The following IL1RAPL2 variants were observed in gnomAD, a reference collection of about 807,000 sequenced individuals.
IL1RAPL2 encodes the protein X-linked interleukin-1 receptor accessory protein-like 2.
IL1RAPL2 carries 3 observed loss-of-function variants against 44.1 expected under a neutral mutation model. The ratio of observed to expected loss-of-function variants is 0.07; its 90% CI spans 0.03 to 0.18. The LOEUF (loss-of-function observed/expected upper bound fraction) is 0.18, where lower values mean the gene tolerates loss of function less well. Among genes scored for constraint, IL1RAPL2 ranks in the 10% least tolerant of loss-of-function variants. IL1RAPL2 has a pLI of 1.00. For synonymous variants in IL1RAPL2, 181 were observed against 178.8 expected (o/e 1.01, Z -0.10); for missense variants, 391 against 496.4 (o/e 0.79, Z 2.02).
chrX:105,363,485 T>C (rs916500406), intron 5 of IL1RAPL2, among the ~76,000 whole-genome samples: 3 of 106,149 alleles, frequency 2.8e-5, no homozygotes, highest in African/African-American at 6.8e-5. Flanking sequence ...TTGTATCATA[T>C]GGTAATTCTA....
intron 6 of IL1RAPL2, among the ~76,000 whole-genome samples, chrX:105,707,772 G>C (rs1029133204): frequency 8.9e-6 from 1 of 111,843 alleles, no homozygotes; most frequent in African/African-American, 3.2e-5. Context: ...AGCTTATTTT[G>C]TTGTAATAAT....
Position 105,392,070 on chromosome X carries a change from C to G in IL1RAPL2, c.698-92243C>G, listed in dbSNP as rs190457096. 5.1e-3 allele frequency among the ~76,000 whole-genome samples: 540 copies of G among 105,955 alleles called. 5 individuals carry two copies. The highest frequency in any genetic ancestry group is 0.017 in the African/African-American group (504 of 28,901). The allele number at this position is 105,955 out of a possible 115,157, so 92.0% of individuals were successfully genotyped here. On this transcript the variant is annotated intron_variant, in intron 5 of 10. Transcript: ENST00000372582. The stretch of plus-strand genomic sequence containing the variant: ...AAATGACGAGTTAATGGGTGCAGCA[C>G]ACCAGCATAGCACATGTATACATAT...
At chrX:104,604,745 G>A in intron 1 of IL1RAPL2, among the ~76,000 whole-genome samples, 1 of 109,076 alleles carries the variant, frequency 9.2e-6, no homozygotes, top group Non-Finnish European at 1.9e-5. Flanking sequence ...TAATGGTAAA[G>A]GGATCAATGC....
At chrX:104,749,762 C>A (rs1413493774) in intron 2 of IL1RAPL2, among the ~76,000 whole-genome samples, 1 of 111,350 alleles carries the variant, frequency 9.0e-6, no homozygotes, top group Non-Finnish European at 1.9e-5. Flanking sequence ...GTAGTTCCTG[C>A]CTTTGATGAG....
At chrX:104,912,744 C>T (rs943319642) in intron 2 of IL1RAPL2, among the ~76,000 whole-genome samples, 8 of 111,426 alleles carry the variant, frequency 7.2e-5, no homozygotes, top group African/African-American at 2.3e-4. Flanking sequence ...ATTAAAGCCC[C>T]TTATTCACCA....
At chrX:104,597,767 A>G (rs942728248) in intron 1 of IL1RAPL2, among the ~76,000 whole-genome samples, 1 of 110,915 alleles carries the variant, frequency 9.0e-6, no homozygotes, top group Non-Finnish European at 1.9e-5. Flanking sequence ...CTTCAGGCAA[A>G]TGGAAGCACC....
In IL1RAPL2 at chrX:105,087,004, A is replaced by G. The variant is rs182277918; in HGVS notation, c.83-108471A>G. 3.6e-5 allele frequency among the ~76,000 whole-genome samples: 4 copies of G among 110,212 alleles called. No homozygotes were observed. The East Asian group carries it at 1.1e-3, about 31-fold the overall frequency. ...ACAATCCTATTATTAACAGATTTTT[A>G]AAAAAACCCTCAGGCATAGAGAATT... On this transcript the variant is annotated intron_variant, in intron 2 of 10. Coordinates refer to ENST00000372582, the MANE Select transcript of IL1RAPL2 (RefSeq NM_017416.2).
intron 5 of IL1RAPL2, among the ~76,000 whole-genome samples, chrX:105,283,582 T>A (rs1444714498): frequency 1.8e-5 from 2 of 111,241 alleles, no homozygotes; most frequent in African/African-American, 6.5e-5. Context: ...GTTTTACTAA[T>A]AGGGTAGACA....
intron 2 of IL1RAPL2, among the ~76,000 whole-genome samples, chrX:105,043,116 A>G (rs1362806117): frequency 1.9e-5 from 2 of 105,794 alleles, no homozygotes; most frequent in African/African-American, 6.9e-5. Context: ...ATTGGGAGAT[A>G]TACCTAATGC....
At chrX:105,107,381 A>C (rs748276566) in intron 2 of IL1RAPL2, among the ~76,000 whole-genome samples, 96 of 112,282 alleles carry the variant, frequency 8.5e-4, no homozygotes, top group African/African-American at 3.0e-3. Flanking sequence ...AAAACTGTGT[A>C]GCTGAGAATA....
At chrX:104,662,076 T>A (rs1171703204) in intron 2 of IL1RAPL2, among the ~76,000 whole-genome samples, 3 of 112,366 alleles carry the variant, frequency 2.7e-5, no homozygotes, top group Non-Finnish European at 3.8e-5. Flanking sequence ...TCTTCTGTAC[T>A]TGTCAAACAT....
chrX:105,335,901 T>C (rs1366477090), intron 5 of IL1RAPL2, among the ~76,000 whole-genome samples: 2 of 111,860 alleles, frequency 1.8e-5, no homozygotes. Context: ...GTGAGAGAAA[T>C]TAATGTCCTT....
In IL1RAPL2 at chrX:104,771,339, G is replaced by A. The variant is rs770463694; in HGVS notation, c.82+112344G>A. Reference sequence around the variant, plus strand: ...CCCAGTGTTATTTATTGTTTTATAGGCTGCAGAATAAAGTATATGTGATAA... The same window carrying A: ...CCCAGTGTTATTTATTGTTTTATAGACTGCAGAATAAAGTATATGTGATAA... On this transcript the variant is annotated intron_variant, in intron 2 of 10. Transcript: ENST00000372582. 3.6e-5 allele frequency among the ~76,000 whole-genome samples: 4 copies of A among 112,342 alleles called. No individual in the cohort carries two copies. The South Asian group carries it at 1.5e-3, about 41-fold the overall frequency.
chrX:104,631,744 C>T (rs1440977918), intron 1 of IL1RAPL2, among the ~76,000 whole-genome samples: 1 of 111,587 alleles, frequency 9.0e-6, no homozygotes, highest in Non-Finnish European at 1.9e-5. Context: ...TATTCTGACC[C>T]TTTGTCAGAT....
chrX:105,050,993 G>C (rs1259365394), intron 2 of IL1RAPL2, among the ~76,000 whole-genome samples: 1 of 112,351 alleles, frequency 8.9e-6, no homozygotes, highest in Non-Finnish European at 1.9e-5. Flanking sequence ...CCTCGGAGGA[G>C]AGGAAGTGCG....
chrX:105,660,250 A>AT (rs1452812245), intron 6 of IL1RAPL2, among the ~76,000 whole-genome samples: 1 of 111,629 alleles, frequency 9.0e-6, no homozygotes, highest in Non-Finnish European at 1.9e-5. Flanking sequence ...AAGAAAAAAA[A>AT]CTGTATCCTA....
At chrX:105,607,149 A>G (rs941037444) in intron 6 of IL1RAPL2, among the ~76,000 whole-genome samples, 9 of 111,244 alleles carry the variant, frequency 8.1e-5, no homozygotes, top group African/African-American at 2.6e-4. Context: ...TCTGTACTCC[A>G]TAAATGTACA....
At chrX:105,190,591 T>C (rs542673379) in intron 2 of IL1RAPL2, among the ~76,000 whole-genome samples, 1 of 111,591 alleles carries the variant, frequency 9.0e-6, no homozygotes, top group Admixed American at 9.5e-5. Context: ...TAGTATAGGG[T>C]ACACATGCTT....
chrX:104,686,543 C>CT (rs1283730191), intron 2 of IL1RAPL2, among the ~76,000 whole-genome samples: 1 of 111,947 alleles, frequency 8.9e-6, no homozygotes, highest in African/African-American at 3.2e-5. Flanking sequence ...AAACTCATGG[C>CT]TTAGAGTTTC....
Sources: allele counts gnomAD v4.1 joint callset (sites outside exome capture counted in the v4.1 genomes callset), GRCh38; gene constraint gnomAD v4.1.1; transcripts MANE v1.5; gene names NCBI Gene and HGNC (gene_info 2026-07-23, HGNC 2026-07-21).